Variants in DMRTC2 observed in about 807,000 individuals in gnomAD.
DMRTC2 encodes doublesex- and mab-3-related transcription factor C2.
Under a neutral mutation model 39.9 loss-of-function variants are expected in DMRTC2, and 13 were observed. That is an observed-to-expected ratio of 0.33 (90% CI 0.21 to 0.52). The LOEUF is 0.52. Among genes scored for constraint, DMRTC2 ranks in the 20% least tolerant of loss-of-function variants. The pLI, the probability that DMRTC2 is intolerant of heterozygous loss-of-function variation, is 0.96. For synonymous variants in DMRTC2, 189 were observed against 185.2 expected (o/e 1.02, Z -0.17); for missense variants, 431 against 472.8 (o/e 0.91, Z 0.82).
Position 41,852,221 on chromosome 19 carries a change from T to G in DMRTC2, c.*525T>G, listed in dbSNP as rs1402980545. 3.9e-5 allele frequency: 6 copies of G among 152,280 alleles called. No individual in the cohort carries two copies. Among genetic ancestry groups the G allele is most frequent in the African/African-American group, 1.4e-4 (6 of 41,474 alleles). 9.4% of individuals were successfully genotyped at this position (152,280 alleles called of 1,614,324 possible). A position where few individuals can be genotyped will look rare whatever the true frequency, so the allele number is the denominator to read the frequency against. ...TCTATCCTGACTGACAGAAAGGACT[T>G]GTTCATTTCGCTTCTCAAAGTGAAA... On this transcript the variant is annotated 3_prime_UTR_variant, in exon 9 of 9. Coordinates refer to ENST00000269945, the MANE Select transcript of DMRTC2 (RefSeq NM_001040283.3).
At chr19:41,850,734 G>A (rs1568782088) in intron 8 of DMRTC2, 34 bp downstream of exon 8, 5 of 1,524,562 alleles carry the variant, frequency 3.3e-6, no homozygotes, top group Non-Finnish European at 4.4e-6. Flanking sequence ...GATAGGGATG[G>A]CTGGGAAATG....
chr19:41,850,877 T>G, intron 8 of DMRTC2, 177 bp downstream of exon 8: 1 of 581,870 alleles, frequency 1.7e-6, no homozygotes, highest in South Asian at 3.2e-5. Context: ...AGTGAATCCT[T>G]TTTATCAGTT....
intron 4 of DMRTC2, 38 bp downstream of exon 4, chr19:41,848,566 C>A: frequency 4.8e-6 from 7 of 1,447,194 alleles, no homozygotes; most frequent in Non-Finnish European, 6.6e-6. Flanking sequence ...TGTCCCCCAC[C>A]CTAGTTCCTA....
rs1555837639 is a variant in DMRTC2, at chr19:41,852,302, T to A, written c.*606T>A. The A allele has an allele frequency of 6.6e-6, 1 of 152,098 alleles. No individual in the cohort carries two copies. Among genetic ancestry groups the A allele is most frequent in the Non-Finnish European group, 1.5e-5 (1 of 68,036 alleles). 9.4% of individuals were successfully genotyped at this position (152,098 alleles called of 1,614,324 possible). On this transcript the variant is annotated 3_prime_UTR_variant, in exon 9 of 9. Transcript: ENST00000269945. The stretch of plus-strand genomic sequence containing the variant: ...AAACAAACTTGGATTTTTTTCTTTG[T>A]CCAAATAAAAAAAAATGATGTAAAG...
chr19:41,847,748 G>A lies in DMRTC2; in HGVS notation c.237G>A (p.Arg79=), dbSNP rs782126126. 6.2e-7 allele frequency: 1 copy of A among 1,614,078 alleles called. No homozygotes were observed. The highest frequency in any genetic ancestry group is 8.5e-7 in the Non-Finnish European group (1 of 1,180,004). ...HKCVLILERR[R]VMAAQVALRR... ...TCCCCACTTTTAGGGAGCGCCGCAG[G>A]GTCATGGCTGCCCAGGTGGCCTTGC... Residue 79 remains arginine, a synonymous_variant, in exon 3 of 9, where the codon AGG becomes AGA. Coordinates refer to ENST00000269945, the MANE Select transcript of DMRTC2 (RefSeq NM_001040283.3).
intron 6 of DMRTC2, among the ~76,000 whole-genome samples, chr19:41,850,079 CAA>C (rs368311927): frequency 7.5e-6 from 1 of 132,806 alleles, no homozygotes; most frequent in Non-Finnish European, 1.6e-5. Flanking sequence ...GAGCCTGTCT[CAA>C]AAAAAAAAAA....
At chr19:41,845,730 G>C (rs573455327) in intron 1 of DMRTC2, among the ~76,000 whole-genome samples, 1 of 152,352 alleles carries the variant, frequency 6.6e-6, no homozygotes, top group African/African-American at 2.4e-5. Flanking sequence ...GGGAGGCTGA[G>C]GCAGGAGAAT....
In DMRTC2 at chr19:41,847,496, G is replaced by T. The variant is rs782674944; in HGVS notation, c.68G>T (p.Arg23Ile). 6.2e-7 allele frequency: 1 copy of T among 1,613,210 alleles called. No individual in the cohort carries two copies. Among genetic ancestry groups the T allele is most frequent in the South Asian group, 1.1e-5 (1 of 91,006 alleles). ...GACTCTGCCCCCTGGGATGAGACCA[G>T]AGACCCCCAGAGCACAGAGCTGATC... ...PLDSAPWDET[R>I]DPQSTELIPR... Residue 23 changes from arginine to isoleucine, a missense_variant, in exon 2 of 9, where the codon AGA becomes ATA. Arg to Ile is a moderately conservative substitution (Grantham distance 97). Transcript: ENST00000269945.
At chr19:41,847,244 A>AGAAG in intron 1 of DMRTC2, 181 bp from the exon 2 acceptor site, 1 of 984,594 alleles carries the variant, frequency 1.0e-6, no homozygotes, top group Non-Finnish European at 1.2e-6. Context: ...GGGTTTCTGA[A>AGAAG]GAAGGAAGAT....
chr19:41,847,289 A>G, intron 1 of DMRTC2, 136 bp from the exon 2 acceptor site: 11 of 1,356,408 alleles, frequency 8.1e-6, no homozygotes, highest in Non-Finnish European at 1.0e-5. Context: ...GAGGGGAGAA[A>G]GCTGGGAAAG....
At position 41,851,967 on chromosome 19, in the gene DMRTC2, G is replaced by C. The variant is rs1343951262; in HGVS notation, c.*271G>C. 2 of 468,084 alleles carry C rather than the reference G, an allele frequency of 4.3e-6. No individual in the cohort carries two copies. The highest frequency in any genetic ancestry group is 3.9e-5 in the African/African-American group (2 of 50,850). 29.0% of individuals were successfully genotyped at this position (468,084 alleles called of 1,614,324 possible). ...GATCTCTTGAAATCCCCAATAAAGA[G>C]AGAGTTGTGCTATTTAAGCTGACCA... On this transcript the variant is annotated 3_prime_UTR_variant, in exon 9 of 9. Coordinates refer to ENST00000269945, the MANE Select transcript of DMRTC2 (RefSeq NM_001040283.3).
chr19:41,847,644 C>G lies in DMRTC2; in HGVS notation c.216C>G (p.Val72=). Reference sequence around the variant, plus strand: ...AGGCTTGCGAGTGTCACAAATGTGTCCTCATCCTGTGAGTATGAGGTCTGG... The same window carrying G: ...AGGCTTGCGAGTGTCACAAATGTGTGCTCATCCTGTGAGTATGAGGTCTGG... ...LFQACECHKC[V]LILERRRVMA... Residue 72 remains valine, a synonymous_variant, in exon 2 of 9, where the codon GTC becomes GTG. Coordinates refer to ENST00000269945, the MANE Select transcript of DMRTC2 (RefSeq NM_001040283.3). 1 of 1,614,128 alleles carries G rather than the reference C, an allele frequency of 6.2e-7. No individual in the cohort carries two copies. The highest frequency in any genetic ancestry group is 8.5e-7 in the Non-Finnish European group (1 of 1,180,000).
At chr19:41,845,641 A>G (rs1402582328) in intron 1 of DMRTC2, among the ~76,000 whole-genome samples, 3 of 152,232 alleles carry the variant, frequency 2.0e-5, no homozygotes, top group Non-Finnish European at 4.4e-5. Context: ...AGCCTGGCCA[A>G]CATGGTGAAA....
At chr19:41,851,057 A>G in intron 8 of DMRTC2, 1 of 272,212 alleles carries the variant, frequency 3.7e-6, no homozygotes, top group Non-Finnish European at 6.9e-6. Flanking sequence ...AGGAGGTCTG[A>G]TAAGTGCCTT....
intron 5 of DMRTC2, 33 bp from the exon 6 acceptor site, chr19:41,849,097 C>T (rs1555836751): frequency 6.2e-7 from 1 of 1,614,008 alleles, no homozygotes; most frequent in Non-Finnish European, 8.5e-7. Flanking sequence ...GACCTTGGCC[C>T]CTATACACTC....
chr19:41,847,518 G>C lies in DMRTC2; in HGVS notation c.90G>C (p.Leu30=). The change falls in exon 2 of 9, where the codon CTG becomes CTC. Residue 30 remains leucine (L), a synonymous_variant. Transcript: ENST00000269945. ...CCAGAGACCCCCAGAGCACAGAGCT[G>C]ATCCCCAGGAGAGCCATCAGCCGCT... ...DETRDPQSTE[L]IPRRAISRSP... 1 of 1,614,172 alleles carries C rather than the reference G, an allele frequency of 6.2e-7. No homozygotes were observed. The highest frequency in any genetic ancestry group is 8.5e-7 in the Non-Finnish European group (1 of 1,180,014).
intron 8 of DMRTC2, 63 bp from the exon 9 acceptor site, chr19:41,851,519 AAG>A (rs1292328355): frequency 1.0e-5 from 14 of 1,376,432 alleles, no homozygotes; most frequent in Admixed American, 3.6e-5. Context: ...ATTCGGTAAA[AAG>A]AGGGGGTTGC....
intron 1 of DMRTC2, chr19:41,847,140 G>A (rs531613792): frequency 1.8e-5 from 10 of 569,536 alleles, no homozygotes; most frequent in African/African-American, 1.1e-4. Flanking sequence ...AGCCAAGATC[G>A]TGCCACTGCA....
At chr19:41,845,020 G>T (rs1191971625), upstream of DMRTC2, 1 of 152,216 alleles carries the variant, frequency 6.6e-6, no homozygotes, top group Non-Finnish European at 1.5e-5. Flanking sequence ...AAAGCAGCGC[G>T]AGCTTGGCGG....
Sources: allele counts gnomAD v4.1 joint callset (sites outside exome capture counted in the v4.1 genomes callset), GRCh38; gene constraint gnomAD v4.1.1; transcripts MANE v1.5; gene names NCBI Gene and HGNC (gene_info 2026-07-23, HGNC 2026-07-21).